PLEKHG1: variants seen among roughly 807,000 people sequenced by gnomAD.
PLEKHG1 encodes the protein pleckstrin homology domain-containing family G member 1.
PLEKHG1 carries 44 observed loss-of-function variants against 100.8 expected under a neutral mutation model. The observed-to-expected ratio is 0.44, with a 90% CI of 0.34 to 0.56. The LOEUF (loss-of-function observed/expected upper bound fraction) is 0.56, where lower values mean the gene tolerates loss of function less well. Among genes scored for constraint, PLEKHG1 ranks in the 20% least tolerant of loss-of-function variants. PLEKHG1 has a pLI of 0.01. For missense variants in PLEKHG1, 1,545 were observed against 1,720.9 expected, an observed-to-expected ratio of 0.90 and a Z score of 1.81; for synonymous variants, 640 against 662.5, an observed-to-expected ratio of 0.97 and a Z score of 0.52.
At chr6:150,658,765 G>T (rs775338948) in intron 3 of PLEKHG1, among the ~76,000 whole-genome samples, 1 of 152,026 alleles carries the variant, frequency 6.6e-6, no homozygotes, top group Non-Finnish European at 1.5e-5. Context: ...TCCTCACCCT[G>T]CCCTTAATAT....
intron 3 of PLEKHG1, among the ~76,000 whole-genome samples, chr6:150,707,768 CTG>C (rs1281298879): frequency 1.3e-5 from 2 of 152,166 alleles, no homozygotes; most frequent in African/African-American, 4.8e-5. Flanking sequence ...AGGTCACACT[CTG>C]TCTAATCAGC....
intron 1 of PLEKHG1, among the ~76,000 whole-genome samples, chr6:150,631,149 A>G (rs1418542719): frequency 6.6e-6 from 1 of 152,174 alleles, no homozygotes; most frequent in East Asian, 1.9e-4. Flanking sequence ...TCACTTGTGG[A>G]GCAGAGGTTT....
chr6:150,732,777 C>T (rs1356882825), intron 1 of PLEKHG1, among the ~76,000 whole-genome samples: 5 of 152,162 alleles, frequency 3.3e-5, no homozygotes, highest in Admixed American at 6.5e-5. Flanking sequence ...AGTAGCGACA[C>T]GGTTTTGCCA....
chr6:150,656,840 C>T (rs150172154), intron 3 of PLEKHG1, among the ~76,000 whole-genome samples: 10 of 152,192 alleles, frequency 6.6e-5, no homozygotes, highest in African/African-American at 2.2e-4. Flanking sequence ...GTTGGAGGAG[C>T]TCAGAGAAAG....
intron 2 of PLEKHG1, among the ~76,000 whole-genome samples, chr6:150,749,285 T>G (rs1783359269): frequency 6.6e-6 from 1 of 152,150 alleles, no homozygotes; most frequent in Non-Finnish European, 1.5e-5. Context: ...TGCCCAGTTG[T>G]CTACATCTCA....
chr6:150,609,471 T>C (rs1377427394), intron 1 of PLEKHG1, among the ~76,000 whole-genome samples: 1 of 152,020 alleles, frequency 6.6e-6, no homozygotes, highest in East Asian at 1.9e-4. Flanking sequence ...AGAAATAAGC[T>C]CCATGAGTTC....
intron 1 of PLEKHG1, among the ~76,000 whole-genome samples, chr6:150,726,145 G>C (rs1781953657): frequency 6.6e-6 from 1 of 152,094 alleles, no homozygotes; most frequent in Non-Finnish European, 1.5e-5. Flanking sequence ...ATAGTGAAAG[G>C]ATACAAATTT....
At chr6:150,835,119 T>C (rs1055821270) in intron 15 of PLEKHG1, among the ~76,000 whole-genome samples, 11 of 152,134 alleles carry the variant, frequency 7.2e-5, no homozygotes, top group African/African-American at 2.4e-4. Flanking sequence ...TATTGAACTC[T>C]CTAGCCGGGG....
At chr6:150,706,342 G>A (rs141673846) in intron 3 of PLEKHG1, among the ~76,000 whole-genome samples, 115 of 151,864 alleles carry the variant, frequency 7.6e-4, no homozygotes, top group Middle Eastern at 6.8e-3. Context: ...GGCATGGTGC[G>A]GTGGCTTATG....
At chr6:150,713,864 T>C (rs1449128560) in intron 3 of PLEKHG1, among the ~76,000 whole-genome samples, 2 of 152,138 alleles carry the variant, frequency 1.3e-5, no homozygotes, top group Non-Finnish European at 2.9e-5. Context: ...AGTTTGCCTC[T>C]CTCCTCTGCC....
At chr6:150,811,271 A>AT in intron 10 of PLEKHG1, among the ~76,000 whole-genome samples, 1 of 85,384 alleles carries the variant, frequency 1.2e-5, no homozygotes, top group South Asian at 5.3e-4. Context: ...AGGATAGGGA[A>AT]TGTTTTTTTT....
At chr6:150,718,297 G>A (rs561864791), upstream of PLEKHG1, among the ~76,000 whole-genome samples, 77 of 152,182 alleles carry the variant, frequency 5.1e-4, no homozygotes, top group African/African-American at 1.8e-3. Context: ...GGTTCAGTGT[G>A]TCCAGCATGT....
chr6:150,607,985 C>T (rs2128551811), intron 1 of PLEKHG1, among the ~76,000 whole-genome samples: 1 of 152,170 alleles, frequency 6.6e-6, no homozygotes, highest in African/African-American at 2.4e-5. Context: ...TGCTATTTCC[C>T]CCTTTGACAA....
At chr6:150,780,511 C>T (rs371314536) in intron 3 of PLEKHG1, among the ~76,000 whole-genome samples, 8 of 151,866 alleles carry the variant, frequency 5.3e-5, no homozygotes, top group East Asian at 1.9e-4. Flanking sequence ...TCCTTTTTTC[C>T]GTGAGAATAC....
intron 3 of PLEKHG1, among the ~76,000 whole-genome samples, chr6:150,696,421 A>T (rs1210748191): frequency 6.6e-6 from 1 of 152,162 alleles, no homozygotes. Context: ...AAATTAGAGG[A>T]TGACACTTAG....
chr6:150,655,446 C>T (rs1329947667), intron 3 of PLEKHG1, among the ~76,000 whole-genome samples: 1 of 152,104 alleles, frequency 6.6e-6, no homozygotes, highest in African/African-American at 2.4e-5. Context: ...CGGTGGCTCA[C>T]GCCTGCAATC....
At chr6:150,608,585 T>C (rs1776697815) in intron 1 of PLEKHG1, among the ~76,000 whole-genome samples, 1 of 152,256 alleles carries the variant, frequency 6.6e-6, no homozygotes, top group Non-Finnish European at 1.5e-5. Flanking sequence ...GTTCAGAAAC[T>C]ATATGCCATA....
intron 3 of PLEKHG1, among the ~76,000 whole-genome samples, chr6:150,670,580 T>C (rs1779550205): frequency 6.6e-6 from 1 of 152,202 alleles, no homozygotes; most frequent in South Asian, 2.1e-4. Context: ...TAATAAAAAA[T>C]GCTTTTGCAT....
At chr6:150,638,769 T>G (rs546999511) in intron 2 of PLEKHG1, among the ~76,000 whole-genome samples, 1 of 152,330 alleles carries the variant, frequency 6.6e-6, no homozygotes, top group Non-Finnish European at 1.5e-5. Flanking sequence ...AAATCAGTTC[T>G]AAGTCAAAAC....
Sources: allele counts gnomAD v4.1 joint callset (sites outside exome capture counted in the v4.1 genomes callset), GRCh38; gene constraint gnomAD v4.1.1; transcripts MANE v1.5; gene names NCBI Gene and HGNC (gene_info 2026-07-23, HGNC 2026-07-21).